The following PHACTR1 variants were observed in gnomAD, a reference collection of about 807,000 sequenced individuals.
The protein encoded by PHACTR1 is phosphatase and actin regulator 1.
In PHACTR1, 16 loss-of-function variants were observed where a neutral mutation model predicts 69.2. That is an observed-to-expected ratio of 0.23 (90% confidence interval 0.16 to 0.35). The LOEUF (loss-of-function observed/expected upper bound fraction) is 0.35. Among genes scored for constraint, PHACTR1 ranks in the 10% least tolerant of loss-of-function variants. The pLI, the probability that PHACTR1 is intolerant of heterozygous loss-of-function variation, is 1.00. For synonymous variants in PHACTR1, 312 were observed against 284.5 expected, an observed-to-expected ratio of 1.10 and a Z score of -0.97; for missense variants, 510 against 734.7, an observed-to-expected ratio of 0.69 and a Z score of 3.54.
chr6:13,161,899 G>A (rs1318797727), intron 6 of PHACTR1, among the ~76,000 whole-genome samples: 4 of 152,154 alleles, frequency 2.6e-5, no homozygotes, highest in South Asian at 2.1e-4. Flanking sequence ...TCCAAACTAC[G>A]TTCTGTCATT....
At chr6:13,127,252 A>G (rs556725070) in intron 5 of PHACTR1, among the ~76,000 whole-genome samples, 29 of 152,312 alleles carry the variant, frequency 1.9e-4, no homozygotes, top group African/African-American at 5.5e-4. Flanking sequence ...TCACATGGAA[A>G]TTATCACCTG....
At chr6:13,026,476 G>A (rs1801714057) in intron 4 of PHACTR1, among the ~76,000 whole-genome samples, 1 of 152,150 alleles carries the variant, frequency 6.6e-6, no homozygotes, top group South Asian at 2.1e-4. Context: ...TTGAAAATAT[G>A]TAGGAGGTAT....
At chr6:13,225,917 G>A (rs1769574206) in intron 8 of PHACTR1, among the ~76,000 whole-genome samples, 4 of 152,214 alleles carry the variant, frequency 2.6e-5, no homozygotes, top group Admixed American at 1.3e-4. Context: ...TGGAGTGGCT[G>A]TCACTGATAA....
chr6:13,013,306 T>G (rs1008921859), intron 4 of PHACTR1, among the ~76,000 whole-genome samples: 2 of 152,196 alleles, frequency 1.3e-5, no homozygotes, highest in Admixed American at 1.3e-4. Context: ...GGTGAAAACA[T>G]CAATTATGTT....
intron 10 of PHACTR1, among the ~76,000 whole-genome samples, chr6:13,250,180 G>T (rs910474296): frequency 1.3e-5 from 2 of 152,200 alleles, no homozygotes; most frequent in African/African-American, 4.8e-5. Flanking sequence ...AAAAAGAAAT[G>T]AGACATTTAA....
At chr6:12,747,960 C>T (rs943218701) in intron 3 of PHACTR1, among the ~76,000 whole-genome samples, 2 of 152,028 alleles carry the variant, frequency 1.3e-5, no homozygotes, top group Admixed American at 6.5e-5. Flanking sequence ...AGGGAGATAG[C>T]CTAGCAAAGG....
At chr6:12,990,508 G>T (rs1796699014) in intron 4 of PHACTR1, among the ~76,000 whole-genome samples, 1 of 152,262 alleles carries the variant, frequency 6.6e-6, no homozygotes, top group Admixed American at 6.5e-5. Context: ...CAGGATAGTG[G>T]GTGCCAGGGC....
At chr6:12,745,851 T>C (rs1027884064) in intron 3 of PHACTR1, among the ~76,000 whole-genome samples, 2 of 152,198 alleles carry the variant, frequency 1.3e-5, no homozygotes, top group African/African-American at 4.8e-5. Flanking sequence ...GGACCCATGC[T>C]GGTAGAGTGA....
At chr6:12,726,606 G>A (rs1762827559) in intron 3 of PHACTR1, among the ~76,000 whole-genome samples, 1 of 152,186 alleles carries the variant, frequency 6.6e-6, no homozygotes, top group Admixed American at 6.5e-5. Context: ...TGGCCATGGT[G>A]TTTTAGGAGT....
intron 5 of PHACTR1, among the ~76,000 whole-genome samples, chr6:13,118,070 A>AC (rs1818075309): frequency 6.6e-6 from 1 of 152,280 alleles, no homozygotes; most frequent in Admixed American, 6.5e-5. Context: ...AAGAAATTCA[A>AC]CATTTGGTCT....
chr6:12,798,270 A>G (rs1240633610), intron 4 of PHACTR1, among the ~76,000 whole-genome samples: 5 of 152,282 alleles, frequency 3.3e-5, no homozygotes, highest in African/African-American at 1.2e-4. Flanking sequence ...GGTTGAGTGG[A>G]TATTTGTTTA....
chr6:12,740,710 G>C (rs897431760), intron 3 of PHACTR1, among the ~76,000 whole-genome samples: 1 of 151,756 alleles, frequency 6.6e-6, no homozygotes, highest in African/African-American at 2.4e-5. Context: ...TCTCCTAAAG[G>C]TGTCTTTCTC....
intron 5 of PHACTR1, among the ~76,000 whole-genome samples, chr6:13,085,926 A>G (rs1354933760): frequency 6.6e-6 from 1 of 151,908 alleles, no homozygotes; most frequent in African/African-American, 2.4e-5. Context: ...TATACCTTAG[A>G]AAAGAAGAAA....
At chr6:12,834,031 G>A (rs1312587592) in intron 4 of PHACTR1, among the ~76,000 whole-genome samples, 1 of 152,124 alleles carries the variant, frequency 6.6e-6, no homozygotes, top group Non-Finnish European at 1.5e-5. Flanking sequence ...CATCCTGACA[G>A]TAGGCTATGG....
At chr6:13,201,753 A>G (rs1318609646) in intron 7 of PHACTR1, among the ~76,000 whole-genome samples, 1 of 152,172 alleles carries the variant, frequency 6.6e-6, no homozygotes, top group East Asian at 1.9e-4. Flanking sequence ...TAGTTATGTT[A>G]TGGGGAATGA....
chr6:12,830,129 G>GA lies in PHACTR1; in HGVS notation c.250+80342dup, dbSNP rs138888499. On this transcript the variant is annotated intron_variant, in intron 4 of 14. Coordinates refer to ENST00000332995, the MANE Select transcript of PHACTR1 (RefSeq NM_030948.6). ...AGAAAGAAAGAAAGAAAGAAAGAAA[G>GA]AAAGAAAGAAAGAAAGAAAGAAAGA... 3.8e-4 allele frequency among the ~76,000 whole-genome samples: 52 copies of GA among 136,678 alleles called. 1 individual carries two copies. The highest frequency in any genetic ancestry group is 5.0e-4 in the Non-Finnish European group (31 of 61,986). The allele number at this position is 136,678 out of a possible 152,430, so 89.7% of individuals were successfully genotyped here. A position where few individuals can be genotyped will look rare whatever the true frequency, so the allele number is the denominator to read the frequency against.
At chr6:13,145,278 C>CAT (rs1249312749) in intron 5 of PHACTR1, among the ~76,000 whole-genome samples, 1 of 152,140 alleles carries the variant, frequency 6.6e-6, no homozygotes. Flanking sequence ...ATTACCTTAT[C>CAT]ATATATGTAT....
At chr6:13,063,014 C>A (rs1807919342) in intron 5 of PHACTR1, among the ~76,000 whole-genome samples, 1 of 152,148 alleles carries the variant, frequency 6.6e-6, no homozygotes. Flanking sequence ...TAAGTGCTCC[C>A]TTGGTGTTCC....
At chr6:12,870,504 A>G (rs1234089940) in intron 4 of PHACTR1, among the ~76,000 whole-genome samples, 1 of 152,218 alleles carries the variant, frequency 6.6e-6, no homozygotes, top group African/African-American at 2.4e-5. Context: ...GTTTAAAATT[A>G]CAATCATCTA....
Sources: allele counts gnomAD v4.1 joint callset (sites outside exome capture counted in the v4.1 genomes callset), GRCh38; gene constraint gnomAD v4.1.1; transcripts MANE v1.5; gene names NCBI Gene and HGNC (gene_info 2026-07-23, HGNC 2026-07-21).